The following GALNT5 variants were observed in gnomAD, a reference collection of about 807,000 sequenced individuals.
GALNT5 encodes polypeptide N-acetylgalactosaminyltransferase 5, also known as UDP-GalNAc:polypeptide N-acetylgalactosaminyltransferase 5.
Under a neutral mutation model 85.4 loss-of-function variants are expected in GALNT5, and 72 were observed. The observed-to-expected ratio is 0.84, with a 90% CI of 0.70 to 1.03. GALNT5 has a LOEUF of 1.03. GALNT5 is among the 50% of genes least tolerant of loss of function. The pLI, the probability that GALNT5 is intolerant of heterozygous loss-of-function variation, is 0.00. For missense variants in GALNT5, 1,137 were observed against 1,135.5 expected (o/e 1.00, Z -0.02); for synonymous variants, 404 against 397.0 (o/e 1.02, Z -0.21).
At chr2:157,267,783 T>A (rs116208823) in intron 1 of GALNT5, among the ~76,000 whole-genome samples, 4,884 of 152,282 alleles carry the variant, frequency 0.032, 108 homozygotes, top group Non-Finnish European at 0.054. Context: ...GCTAAGAACT[T>A]TGGAGTAGAA....
At chr2:157,304,096 C>T (rs1683403521) in intron 7 of GALNT5, among the ~76,000 whole-genome samples, 1 of 152,196 alleles carries the variant, frequency 6.6e-6, no homozygotes, top group Non-Finnish European at 1.5e-5. Context: ...TTTATCTCTG[C>T]TTCAGTACAG....
Position 157,259,306 on chromosome 2 carries a change from T to G in GALNT5, c.1224T>G (p.Ser408Arg), listed in dbSNP as rs1682282329. The change falls in exon 1 of 10, where the codon AGT becomes AGG. Residue 408 changes from serine to arginine, a missense_variant. Transcript: ENST00000259056. ...CCCCCTCTACAGAATACAACCAGAG[T>G]CATATAAAAGCCCTTTTACCTGAAG... ...AKAPSTEYNQ[S>R]HIKALLPEDS... 1.3e-6 allele frequency: 2 copies of G among 1,597,574 alleles called. No individual in the cohort carries two copies. The highest frequency in any genetic ancestry group is 1.7e-6 in the Non-Finnish European group (2 of 1,173,042).
intron 3 of GALNT5, among the ~76,000 whole-genome samples, chr2:157,289,711 T>C (rs1458553810): frequency 6.6e-6 from 1 of 152,172 alleles, no homozygotes; most frequent in Non-Finnish European, 1.5e-5. Context: ...CCTTTGTAAA[T>C]TATAATCAAT....
At chr2:157,261,040 A>T (rs562706403) in intron 1 of GALNT5, among the ~76,000 whole-genome samples, 1 of 152,152 alleles carries the variant, frequency 6.6e-6, no homozygotes, top group Admixed American at 6.5e-5. Flanking sequence ...TCTCTTGCCA[A>T]TCTCCCCTCA....
rs1683200722 is a variant in GALNT5, at chr2:157,295,758, G to C, written c.1837G>C (p.Ala613Pro). Residue 613 changes from alanine (A) to proline (P), a missense_variant, in exon 4 of 10, where the codon GCC (alanine) becomes CCC (proline). Ala to Pro is a conservative substitution (Grantham distance 27, BLOSUM62 -1). Coordinates refer to ENST00000259056, the MANE Select transcript of GALNT5 (RefSeq NM_014568.3). ...AGTTTATTTAAGTAGAAAGAAAGTGGCCTGTCCAGTAATCGAAGTCATCAA... is the reference window on the plus strand; with the variant it reads ...AGTTTATTTAAGTAGAAAGAAAGTGCCCTGTCCAGTAATCGAAGTCATCAA... Reference protein sequence around the residue: ...ERVYLSRKKVACPVIEVINDK... With the variant: ...ERVYLSRKKVPCPVIEVINDK... 6.2e-7 allele frequency: 1 copy of C among 1,608,890 alleles called. No individual in the cohort carries two copies. Among genetic ancestry groups the C allele is most frequent in the African/African-American group, 1.3e-5 (1 of 74,784 alleles).
At chr2:157,284,250 A>T in intron 1 of GALNT5, 32 bp from the exon 2 acceptor site, 1 of 1,603,430 alleles carries the variant, frequency 6.2e-7, no homozygotes, top group Non-Finnish European at 8.5e-7. Flanking sequence ...TCCTTAGCAC[A>T]TCTCTTGTGC....
intron 1 of GALNT5, among the ~76,000 whole-genome samples, chr2:157,273,634 T>TC (rs1682646159): frequency 8.0e-6 from 1 of 125,150 alleles, no homozygotes; most frequent in Non-Finnish European, 1.6e-5. Context: ...TTCTTGCTTT[T>TC]TTTTTTTTTT....
At chr2:157,282,733 C>A (rs1261800424) in intron 1 of GALNT5, among the ~76,000 whole-genome samples, 1 of 151,436 alleles carries the variant, frequency 6.6e-6, no homozygotes, top group African/African-American at 2.4e-5. Flanking sequence ...GCCCATTCTA[C>A]AAAAAAAACC....
At chr2:157,262,719 T>G (rs1574009829) in intron 1 of GALNT5, among the ~76,000 whole-genome samples, 1 of 151,490 alleles carries the variant, frequency 6.6e-6, no homozygotes, top group African/African-American at 2.4e-5. Flanking sequence ...TTACTCTAGT[T>G]CTAAAATCAG....
intron 3 of GALNT5, among the ~76,000 whole-genome samples, chr2:157,288,384 T>C (rs1558898086): frequency 6.6e-6 from 1 of 152,222 alleles, no homozygotes; most frequent in Non-Finnish European, 1.5e-5. Flanking sequence ...CTTTGGAAAG[T>C]AATTATCTAT....
At chr2:157,285,263 CAT>C (rs1182702359) in intron 2 of GALNT5, among the ~76,000 whole-genome samples, 1 of 152,154 alleles carries the variant, frequency 6.6e-6, no homozygotes, top group Non-Finnish European at 1.5e-5. Context: ...GGCTGAAAAA[CAT>C]AAAATGTGGC....
chr2:157,259,291 A>T lies in GALNT5; in HGVS notation c.1209A>T (p.Thr403=). ...KINITAKAPS[T]EYNQSHIKAL... ...ACATAACTGCCAAAGCCCCCTCTAC[A>T]GAATACAACCAGAGTCATATAAAAG... Residue 403 remains threonine, a synonymous_variant, in exon 1 of 10, where the codon ACA becomes ACT. Transcript: ENST00000259056. The T allele has an allele frequency of 6.2e-7, 1 of 1,609,258 alleles. No individual in the cohort carries two copies. Among genetic ancestry groups the T allele is most frequent in the Non-Finnish European group, 8.5e-7 (1 of 1,178,104 alleles).
rs142592488 is a variant in GALNT5 at position 157,258,977 on chromosome 2, G to A, written c.895G>A (p.Gly299Arg). 3.5e-5 allele frequency: 52 copies of A among 1,501,206 alleles called. No homozygotes were observed. The highest frequency in any genetic ancestry group is 4.5e-5 in the Non-Finnish European group (51 of 1,125,112). 93.0% of individuals were successfully genotyped at this position (1,501,206 alleles called of 1,614,324 possible). Residue 299 changes from glycine to arginine, a missense_variant, in exon 1 of 10, where the codon GGA becomes AGA. Transcript: ENST00000259056. Reference sequence around the variant, plus strand: ...GCAATCTATTAATGAGACACCTTTGGGAAGTTTGTCAAAGGATGATGGAGC... The same window carrying A: ...GCAATCTATTAATGAGACACCTTTGAGAAGTTTGTCAAAGGATGATGGAGC... ...RKQSINETPL[G>R]SLSKDDGARG... is the part of the protein sequence containing the mutation.
At chr2:157,305,106 C>T (rs1046648988) in intron 7 of GALNT5, among the ~76,000 whole-genome samples, 5 of 152,144 alleles carry the variant, frequency 3.3e-5, no homozygotes, top group African/African-American at 1.2e-4. Context: ...CATTTTTCTG[C>T]ATTAAATGGT....
chr2:157,300,915 G>T lies in GALNT5; in HGVS notation c.2355G>T (p.Lys785Asn). 6.2e-7 allele frequency: 1 copy of T among 1,614,130 alleles called. No homozygotes were observed. The highest frequency in any genetic ancestry group is 8.5e-7 in the Non-Finnish European group (1 of 1,179,986). ...GNLTQQRELR[K>N]KLKCKSFKWY... ...TCACCCAGCAAAGGGAGCTGCGAAA[G>T]AAACTGAAGTGCAAAAGTTTCAAAT... The change falls in exon 7 of 10, where the codon AAG (lysine) becomes AAT (asparagine). Residue 785 changes from lysine to asparagine, a missense_variant. Lys to Asn is a moderately conservative substitution (Grantham distance 94). Transcript: ENST00000259056.
chr2:157,286,161 G>T, intron 3 of GALNT5, 27 bp downstream of exon 3: 4 of 1,589,118 alleles, frequency 2.5e-6, no homozygotes, highest in Non-Finnish European at 3.4e-6. Context: ...TTTTTTGTTT[G>T]TTACATTTTT....
At chr2:157,310,183 C>T (rs1420053559) in intron 9 of GALNT5, among the ~76,000 whole-genome samples, 1 of 152,168 alleles carries the variant, frequency 6.6e-6, no homozygotes, top group Non-Finnish European at 1.5e-5. Context: ...AGCCTTTTCC[C>T]TACCTTGTTT....
Position 157,286,104 on chromosome 2 carries a change from G to A in GALNT5, c.1711G>A (p.Ala571Thr). Residue 571 changes from alanine to threonine, a missense_variant, in exon 3 of 10, where the codon GCC becomes ACC. By Grantham distance (58) the Ala-to-Thr change is moderately conservative. Transcript: ENST00000259056. ...RLKERHGLIRARLAGAQNATG... is the reference protein window; with the variant it reads ...RLKERHGLIRTRLAGAQNATG... ...CAAAGAGAGACATGGCTTAATAAGG[G>A]CCAGGCTGGCAGGAGCACAGAATGC... is the stretch of plus-strand genomic sequence containing the variant. 6.2e-7 allele frequency: 1 copy of A among 1,613,456 alleles called. No individual in the cohort carries two copies. Among genetic ancestry groups the A allele is most frequent in the Non-Finnish European group, 8.5e-7 (1 of 1,179,394 alleles).
intron 6 of GALNT5, among the ~76,000 whole-genome samples, chr2:157,299,989 A>AG (rs1683304652): frequency 6.6e-6 from 1 of 152,204 alleles, no homozygotes; most frequent in Non-Finnish European, 1.5e-5. Flanking sequence ...ATCTGTCTAG[A>AG]ATGTTGGAAG....
Sources: gnomAD v4.1 joint callset for allele counts (sites outside exome capture counted in the v4.1 genomes callset) on GRCh38, gnomAD v4.1.1 for gene constraint, MANE v1.5 for transcripts, NCBI Gene and HGNC (gene_info 2026-07-23, HGNC 2026-07-21) for gene names.